The following MINK1 variants were observed in gnomAD, a reference collection of about 807,000 sequenced individuals.
The protein encoded by MINK1 is misshapen-like kinase 1.
In MINK1, 46 loss-of-function variants were observed where a neutral mutation model predicts 178.4. The observed-to-expected ratio is 0.26, with a 90% CI of 0.20 to 0.33. The LOEUF (loss-of-function observed/expected upper bound fraction) is 0.33. Among genes scored for constraint, MINK1 ranks in the 10% least tolerant of loss-of-function variants. The pLI is 1.00. For missense variants in MINK1, 1,366 were observed against 1,814.9 expected, an observed-to-expected ratio of 0.75 and a Z score of 4.49; for synonymous variants, 797 against 709.7, an observed-to-expected ratio of 1.12 and a Z score of -1.96.
At position 4,841,528 on chromosome 17, in the gene MINK1, T is replaced by G. The variant is rs11651691; in HGVS notation, c.57+7888T>G. Among the ~76,000 whole-genome samples, 569 of 150,128 alleles carry G rather than the reference T, an allele frequency of 3.8e-3. 4 individuals are homozygous for G. The highest frequency in any genetic ancestry group is 6.1e-3 in the Non-Finnish European group (409 of 67,440). ...TGTTTTTTTCCCACAAAGCCCCCCCTCCGATTTTGCCAGCCTTTACTGATC... is the reference window on the plus strand; with the variant it reads ...TGTTTTTTTCCCACAAAGCCCCCCCGCCGATTTTGCCAGCCTTTACTGATC... On this transcript the variant is annotated intron_variant, in intron 1 of 31. Coordinates refer to ENST00000355280, the MANE Select transcript of MINK1 (RefSeq NM_153827.5).
intron 1 of MINK1, chr17:4,847,246 A>AT (rs1911189242): frequency 2.2e-6 from 1 of 457,914 alleles, no homozygotes; most frequent in Non-Finnish European, 4.4e-6. Context: ...TCATTCATTC[A>AT]TTCATTCATT....
intron 1 of MINK1, chr17:4,871,158 CT>C (rs952965968): frequency 2.2e-5 from 5 of 231,108 alleles, no homozygotes; most frequent in South Asian, 7.2e-5. Context: ...AGTTTATTCC[CT>C]TTTTTTGTTT....
Position 4,895,306 on chromosome 17 carries a change from GGGCCT to G in MINK1, c.3086-40_3086-36del, listed in dbSNP as rs1436820450. Reference sequence around the variant, plus strand: ...GGCTCTTGTGCTCCTGGTTAGGTGAGGGCCTGGCTGAGCCTCTGACCTGCCCAAGG... The same window carrying G: ...GGCTCTTGTGCTCCTGGTTAGGTGAGGGCTGAGCCTCTGACCTGCCCAAGG... On this transcript the variant is annotated intron_variant, in intron 25 of 31. Transcript: ENST00000355280. The surrounding 1 kb of genome is among the most constrained non-coding windows in gnomAD (Gnocchi z 4.3). 4 of 1,606,632 alleles carry G rather than the reference GGGCCT, an allele frequency of 2.5e-6. No individual in the cohort carries two copies. In the African/African-American group the frequency reaches 5.3e-5, roughly 21 times the overall value.
chr17:4,890,437 T>A, intron 13 of MINK1, 80 bp from the exon 14 acceptor site: 1 of 1,510,198 alleles, frequency 6.6e-7, no homozygotes, highest in Non-Finnish European at 8.9e-7. Context: ...TCTAGGCAGT[T>A]GGAGAAAAGA....
intron 1 of MINK1, chr17:4,868,919 AT>A: frequency 5.0e-6 from 1 of 199,194 alleles, no homozygotes; most frequent in South Asian, 5.3e-5. Flanking sequence ...CTGGCTAATT[AT>A]TTATTTATTT....
rs56934978 is a variant in MINK1, at chr17:4,867,074, AAAT to A, written c.58-11213_58-11211del. ...GGGTGACAGAGTGAGACTCGTCTCA[AAAT>A]AATAATAATAATAATAATAATAATA... On this transcript the variant is annotated intron_variant, in intron 1 of 31. Coordinates refer to ENST00000355280, the MANE Select transcript of MINK1 (RefSeq NM_153827.5). Among the ~76,000 whole-genome samples, 167 of 119,956 alleles carry A rather than the reference AAAT, an allele frequency of 1.4e-3. 1 individual carries two copies. Among genetic ancestry groups the A allele is most frequent in the African/African-American group, 3.9e-3 (119 of 30,806 alleles). 78.7% of individuals were successfully genotyped at this position (119,956 alleles called of 152,430 possible). A position where few individuals can be genotyped will look rare whatever the true frequency, so the allele number is the denominator to read the frequency against.
At chr17:4,892,018 C>A (rs1478453108) in intron 16 of MINK1, 131 bp from the exon 17 acceptor site, 1 of 818,572 alleles carries the variant, frequency 1.2e-6, no homozygotes, top group Non-Finnish European at 2.0e-6. Flanking sequence ...TGGACGTATT[C>A]ACTAACTCCC....
rs1183843055 is a variant in MINK1, at chr17:4,855,378, C to T, written c.57+21738C>T. ...GCGGGCGCCTGTAGTCCCAGCTACT[C>T]AGGAGGCTGAGGCAGGAGAATGGCG... On this transcript the variant is annotated intron_variant, in intron 1 of 31. Transcript: ENST00000355280. Among the ~76,000 whole-genome samples the T allele has an allele frequency of 6.7e-5, 10 of 149,240 alleles. No homozygotes were observed. The East Asian group carries it at 1.4e-3, about 21-fold the overall frequency.
chr17:4,889,230 C>G (rs979962170), intron 12 of MINK1, among the ~76,000 whole-genome samples: 5 of 152,190 alleles, frequency 3.3e-5, no homozygotes, highest in African/African-American at 1.2e-4. Flanking sequence ...TCTGTGCTTT[C>G]TGTGCACGGG....
In MINK1 at chr17:4,886,885, G is replaced by C. The variant is rs576623543; in HGVS notation, c.950-225G>C. 6.6e-6 allele frequency among the ~76,000 whole-genome samples: 1 copy of C among 152,342 alleles called. No individual in the cohort carries two copies. Among genetic ancestry groups the C allele is most frequent in the East Asian group, 1.9e-4 (1 of 5,178 alleles). ...CCATGCTAAGCACATGTGTGTGCGA[G>C]CACAAGCACAGGCTCTGCCACACCT... On this transcript the variant is annotated intron_variant, in intron 10 of 31. Transcript: ENST00000355280. This position sits in a 1 kb window ranked among gnomAD's most constrained non-coding sequence, Gnocchi z 6.1.
intron 1 of MINK1, among the ~76,000 whole-genome samples, chr17:4,837,780 C>A (rs1187115952): frequency 6.6e-6 from 1 of 152,218 alleles, no homozygotes. Flanking sequence ...GTCCTTGAAA[C>A]TGTGGAGCTA....
At position 4,896,342 on chromosome 17, in the gene MINK1, C is replaced by T. The variant is rs747912912; in HGVS notation, c.3615C>T (p.His1205=). Residue 1205 remains histidine, a splice_region_variant and synonymous_variant, in exon 29 of 32, where the codon CAC becomes CAT. Transcript: ENST00000355280. The surrounding 1 kb of genome is among the most constrained non-coding windows in gnomAD (Gnocchi z 4.6). ...GNSYDIYIPV[H]IQSQITPHAI... ...GCTATGACATCTACATCCCTGTGCA[C>T]GTGAGCTTGGCGGGGCTGCTGGGGG... 1.2e-5 allele frequency: 19 copies of T among 1,599,222 alleles called. No individual in the cohort carries two copies. The East Asian group carries it at 1.3e-4, about 11-fold the overall frequency.
rs558842580 is a variant in MINK1, at chr17:4,836,916, G to A, written c.57+3276G>A. ...TCAGTGGCCGGGTGTGGTAGCTCAC[G>A]ACCGTAATCCCAGCACTTTGGGAGG... On this transcript the variant is annotated intron_variant, in intron 1 of 31. Transcript: ENST00000355280. This position sits in a 1 kb window ranked among gnomAD's most constrained non-coding sequence, Gnocchi z 4.3. 1.4e-4 allele frequency among the ~76,000 whole-genome samples: 21 copies of A among 152,104 alleles called. No homozygotes were observed. The South Asian group carries it at 3.3e-3, about 24-fold the overall frequency.
intron 2 of MINK1, among the ~76,000 whole-genome samples, chr17:4,878,871 T>C (rs1248115056): frequency 6.6e-6 from 1 of 152,252 alleles, no homozygotes; most frequent in African/African-American, 2.4e-5. Context: ...GAGCTGCCTC[T>C]GTCCCTGACA....
At chr17:4,847,333 G>A (rs976482008) in intron 1 of MINK1, 13 of 427,206 alleles carry the variant, frequency 3.0e-5, no homozygotes, top group East Asian at 1.4e-4. Flanking sequence ...CTGCCTCCTC[G>A]GTTCAATCAA....
chr17:4,890,763 G>T (rs1278301448), intron 14 of MINK1, 28 bp downstream of exon 14: 1 of 1,539,288 alleles, frequency 6.5e-7, no homozygotes. Flanking sequence ...TGCCTCCTGA[G>T]ACTGCAGTCC....
At chr17:4,891,417 T>C (rs766351162) in intron 15 of MINK1, 39 bp from the exon 16 acceptor site, 2 of 1,520,810 alleles carry the variant, frequency 1.3e-6, no homozygotes, top group Non-Finnish European at 1.8e-6. Flanking sequence ...GGATGTGCCA[T>C]GGAGCAGGCA....
intron 1 of MINK1, among the ~76,000 whole-genome samples, chr17:4,850,482 A>T (rs141169725): frequency 2.9e-4 from 44 of 151,590 alleles, no homozygotes; most frequent in African/African-American, 1.1e-3. Flanking sequence ...TCTTTCTCAG[A>T]GTGTGATTCA....
Position 4,886,685 on chromosome 17 carries a change from T to C in MINK1, c.949+59T>C. 6.8e-7 allele frequency: 1 copy of C among 1,470,386 alleles called. No individual in the cohort carries two copies. The highest frequency in any genetic ancestry group is 9.0e-7 in the Non-Finnish European group (1 of 1,108,566). The allele number at this position is 1,470,386 out of a possible 1,614,324, so 91.1% of individuals were successfully genotyped here. On this transcript the variant is annotated intron_variant, in intron 10 of 31. Transcript: ENST00000355280. This position sits in a 1 kb window ranked among gnomAD's most constrained non-coding sequence, Gnocchi z 6.1. ...GGGACACTCCAGCCTGGCTCCTCTCTGCCAGCCCTGCTCGCTCCTGGCACC... is the reference window on the plus strand; with the variant it reads ...GGGACACTCCAGCCTGGCTCCTCTCCGCCAGCCCTGCTCGCTCCTGGCACC...
Sources: gnomAD v4.1 joint callset for allele counts (sites outside exome capture counted in the v4.1 genomes callset) on GRCh38, gnomAD v4.1.1 for gene constraint, Gnocchi (gnomAD v3.1) non-coding constraint, MANE v1.5 for transcripts, NCBI Gene and HGNC (gene_info 2026-07-23, HGNC 2026-07-21) for gene names.